The following ITGB8 variants were observed in gnomAD, a reference collection of about 807,000 sequenced individuals.
The protein encoded by ITGB8 is integrin subunit beta 8.
Under a neutral mutation model 89.5 loss-of-function variants are expected in ITGB8, and 30 were observed. The ratio of observed to expected loss-of-function variants is 0.34; its 90% CI spans 0.25 to 0.45. The LOEUF is 0.45. ITGB8 is among the 20% of genes least tolerant of loss of function. ITGB8 has a pLI of 1.00. For synonymous variants in ITGB8, 335 were observed against 320.4 expected, an observed-to-expected ratio of 1.05 and a Z score of -0.49; for missense variants, 836 against 933.3, an observed-to-expected ratio of 0.90 and a Z score of 1.36.
Position 20,412,631 on chromosome 7 carries a change from A to G in ITGB8, c.*2634A>G, listed in dbSNP as rs989968674. 6.6e-6 allele frequency: 1 copy of G among 152,562 alleles called. No individual in the cohort carries two copies. Among genetic ancestry groups the G allele is most frequent in the African/African-American group, 2.4e-5 (1 of 41,434 alleles). 9.5% of individuals were successfully genotyped at this position (152,562 alleles called of 1,614,324 possible). On this transcript the variant is annotated 3_prime_UTR_variant, in exon 14 of 14. Transcript: ENST00000222573. ...GAAGGGACAAACTTCCTTGTAGGCA[A>G]CTCAGTGTTAGACGATGATTGTGGT...
chr7:20,367,970 G>T (rs557426338), intron 3 of ITGB8, among the ~76,000 whole-genome samples: 38 of 152,268 alleles, frequency 2.5e-4, no homozygotes, highest in African/African-American at 8.7e-4. Context: ...GTAGTTTAAC[G>T]CAGTTCACAA....
intron 3 of ITGB8, among the ~76,000 whole-genome samples, chr7:20,369,833 A>C (rs1186074295): frequency 6.6e-6 from 1 of 152,188 alleles, no homozygotes; most frequent in Non-Finnish European, 1.5e-5. Context: ...CAAGTTTCAG[A>C]GAAGCCTCTC....
In ITGB8 at chr7:20,410,973, G is replaced by A. The variant is rs1019124678; in HGVS notation, c.*976G>A. 2 of 152,202 alleles carry A rather than the reference G, an allele frequency of 1.3e-5. No individual in the cohort carries two copies. Among genetic ancestry groups the A allele is most frequent in the African/African-American group, 4.8e-5 (2 of 41,370 alleles). The allele number at this position is 152,202 out of a possible 1,614,324, so 9.4% of individuals were successfully genotyped here. A position where few individuals can be genotyped will look rare whatever the true frequency, so the allele number is the denominator to read the frequency against. On this transcript the variant is annotated 3_prime_UTR_variant, in exon 14 of 14. Coordinates refer to ENST00000222573, the MANE Select transcript of ITGB8 (RefSeq NM_002214.3). ...TCAAGCAAAGTACCACATTTTGAAT[G>A]TTTTCTTAGATTTTGATTGCAAGTA... is the stretch of plus-strand genomic sequence containing the variant.
At chr7:20,385,086 T>A (rs1786553180) in intron 6 of ITGB8, among the ~76,000 whole-genome samples, 1 of 152,206 alleles carries the variant, frequency 6.6e-6, no homozygotes, top group Admixed American at 6.5e-5. Flanking sequence ...TCACCCTGTC[T>A]CCCCACCCAG....
At chr7:20,340,643 T>C (rs1008988237) in intron 1 of ITGB8, among the ~76,000 whole-genome samples, 1 of 152,204 alleles carries the variant, frequency 6.6e-6, no homozygotes, top group Non-Finnish European at 1.5e-5. Context: ...CAGGGATCTT[T>C]CCTTGGAATT....
intron 3 of ITGB8, among the ~76,000 whole-genome samples, chr7:20,374,939 T>C (rs1042482788): frequency 1.3e-5 from 2 of 151,954 alleles, no homozygotes; most frequent in Admixed American, 6.6e-5. Context: ...ACGATAGAGG[T>C]AGACATATGA....
chr7:20,407,013 C>T (rs187950254), intron 12 of ITGB8, among the ~76,000 whole-genome samples: 52 of 152,176 alleles, frequency 3.4e-4, no homozygotes, highest in Admixed American at 2.9e-3. Context: ...ATTGATTAGA[C>T]ATGAGGAAGT....
intron 3 of ITGB8, among the ~76,000 whole-genome samples, chr7:20,371,818 T>C (rs906839699): frequency 2.0e-5 from 3 of 152,200 alleles, no homozygotes; most frequent in African/African-American, 7.2e-5. Flanking sequence ...AGGTCAAATG[T>C]ATGACAATGT....
intron 3 of ITGB8, among the ~76,000 whole-genome samples, chr7:20,377,967 A>T (rs955980862): frequency 3.3e-5 from 5 of 152,264 alleles, no homozygotes; most frequent in Non-Finnish European, 7.3e-5. Flanking sequence ...TAAATTATGT[A>T]TACAAATGAA....
chr7:20,351,996 C>G (rs1012517665), intron 1 of ITGB8, among the ~76,000 whole-genome samples: 1 of 152,142 alleles, frequency 6.6e-6, no homozygotes, highest in African/African-American at 2.4e-5. Flanking sequence ...TTTAGAGGAA[C>G]AGACTGGGAA....
At chr7:20,358,185 G>C (rs1785365699) in intron 1 of ITGB8, among the ~76,000 whole-genome samples, 1 of 152,040 alleles carries the variant, frequency 6.6e-6, no homozygotes, top group Non-Finnish European at 1.5e-5. Flanking sequence ...CACATGGCTC[G>C]ATCTCCTGAT....
intron 1 of ITGB8, among the ~76,000 whole-genome samples, chr7:20,351,735 G>T (rs1294050723): frequency 6.6e-6 from 1 of 152,166 alleles, no homozygotes; most frequent in South Asian, 2.1e-4. Context: ...AATATAGAGT[G>T]TTGCTTTGCT....
intron 4 of ITGB8, 86 bp downstream of exon 4, chr7:20,379,383 T>A: frequency 3.8e-6 from 3 of 781,142 alleles, no homozygotes; most frequent in Non-Finnish European, 5.4e-6. Flanking sequence ...ACTTACCAAA[T>A]TTTATATTTT....
Position 20,394,889 on chromosome 7 carries a change from T to A in ITGB8, c.1057-7T>A, listed in dbSNP as rs1787007679. On this transcript the variant is annotated splice_region_variant and splice_polypyrimidine_tract_variant and intron_variant, in intron 7 of 13. Transcript: ENST00000222573. ...CATTGTTTAAATGCTACTGATATGT[T>A]TTATAGGATCTTCTACCCCTCTTGC... The A allele has an allele frequency of 6.3e-7, 1 of 1,595,396 alleles. No homozygotes were observed. Among genetic ancestry groups the A allele is most frequent in the Non-Finnish European group, 8.6e-7 (1 of 1,162,924 alleles).
At chr7:20,399,850 G>C (rs1389047382) in intron 9 of ITGB8, among the ~76,000 whole-genome samples, 3 of 151,738 alleles carry the variant, frequency 2.0e-5, no homozygotes, top group African/African-American at 7.3e-5. Flanking sequence ...TCATGCTATA[G>C]AAAAAAAGAA....
Position 20,415,327 on chromosome 7 carries a change from A to G in ITGB8, c.*5330A>G, listed in dbSNP as rs1194024787. ...AAACTTATCAGTAACATAAAAACTT[A>G]TTTTGTTTCACCTAACGAATACTGC... On this transcript the variant is annotated 3_prime_UTR_variant, in exon 14 of 14. Transcript: ENST00000222573. 6.6e-6 allele frequency: 1 copy of G among 151,858 alleles called. No individual in the cohort carries two copies. The highest frequency in any genetic ancestry group is 2.4e-5 in the African/African-American group (1 of 41,426). The allele number at this position is 151,858 out of a possible 1,614,324, so 9.4% of individuals were successfully genotyped here. A position where few individuals can be genotyped will look rare whatever the true frequency, so the allele number is the denominator to read the frequency against.
intron 3 of ITGB8, among the ~76,000 whole-genome samples, chr7:20,371,874 C>T (rs989983059): frequency 3.3e-5 from 5 of 152,140 alleles, no homozygotes; most frequent in African/African-American, 9.7e-5. Context: ...ACAAAAAATT[C>T]GATGTTCAGT....
chr7:20,399,880 G>A (rs1199133458), intron 9 of ITGB8, among the ~76,000 whole-genome samples: 5 of 152,124 alleles, frequency 3.3e-5, no homozygotes, highest in South Asian at 2.1e-4. Context: ...GAAAGTGATA[G>A]AAGATTCTAA....
rs113310487 is a variant in ITGB8 at position 20,383,072 on chromosome 7, A to G, written c.960+1187A>G. Among the ~76,000 whole-genome samples, 910 of 152,332 alleles carry G rather than the reference A, an allele frequency of 6.0e-3. 1 individual carries two copies. The highest frequency in any genetic ancestry group is 9.0e-3 in the Non-Finnish European group (614 of 68,028). On this transcript the variant is annotated intron_variant, in intron 6 of 13. Coordinates refer to ENST00000222573, the MANE Select transcript of ITGB8 (RefSeq NM_002214.3). ...CAGTGCACCAAGACACCTCACACAC[A>G]GTTTGGGAATCACAGTATCAGAAGC...
Sources: allele counts gnomAD v4.1 joint callset (sites outside exome capture counted in the v4.1 genomes callset), GRCh38; gene constraint gnomAD v4.1.1; transcripts MANE v1.5; gene names NCBI Gene and HGNC (gene_info 2026-07-23, HGNC 2026-07-21).